Variants in DPYSL2 observed in about 807,000 individuals in gnomAD.
DPYSL2 encodes the protein dihydropyrimidinase-related protein 2.
Under a neutral mutation model 69.9 loss-of-function variants are expected in DPYSL2, and 13 were observed. The observed-to-expected ratio is 0.19, with a 90% CI of 0.12 to 0.30. The LOEUF (loss-of-function observed/expected upper bound fraction) is 0.30. Among genes scored for constraint, DPYSL2 ranks in the 10% least tolerant of loss-of-function variants. The pLI is 1.00. For missense variants in DPYSL2, 587 were observed against 918.9 expected (o/e 0.64, Z 4.67); for synonymous variants, 326 against 359.1 (o/e 0.91, Z 1.04).
In DPYSL2 at chr8:26,571,919, T is replaced by C. The variant is rs1416699104; in HGVS notation, c.355-10050T>C. Among the ~76,000 whole-genome samples, 1 of 152,256 alleles carries C rather than the reference T, an allele frequency of 6.6e-6. No individual in the cohort carries two copies. Among genetic ancestry groups the C allele is most frequent in the Non-Finnish European group, 1.5e-5 (1 of 68,042 alleles). On this transcript the variant is annotated intron_variant, in intron 1 of 13. Transcript: ENST00000521913. The surrounding 1 kb of genome is among the most constrained non-coding windows in gnomAD (Gnocchi z 6.1). ...ACGATCGTCATTGCCTGATTCCATC[T>C]GCAGTGAAGAAGGCATCACTTCCAG...
intron 1 of DPYSL2, chr8:26,577,003 G>T (rs1257199246): frequency 6.4e-6 from 2 of 310,194 alleles, no homozygotes; most frequent in Non-Finnish European, 1.3e-5. Context: ...CATCGGCCTC[G>T]GCGGGCTGCG....
chr8:26,594,294 C>A (rs1313961278), intron 3 of DPYSL2, among the ~76,000 whole-genome samples: 1 of 152,174 alleles, frequency 6.6e-6, no homozygotes, highest in Non-Finnish European at 1.5e-5. Context: ...ATCTCCCTCT[C>A]TCTCTCTCTC....
chr8:26,586,164 G>T lies in DPYSL2; in HGVS notation c.628+2181G>T, dbSNP rs553706430. ...TCAGTGTCATCTATCATTGGAGAGG[G>T]AAATGCCCCCAGCCAGGAGTTAGGA... is the stretch of plus-strand genomic sequence containing the variant. On this transcript the variant is annotated intron_variant, in intron 3 of 13. Transcript: ENST00000521913. The surrounding 1 kb of genome is among the most constrained non-coding windows in gnomAD (Gnocchi z 4.7). 9.9e-5 allele frequency among the ~76,000 whole-genome samples: 15 copies of T among 152,258 alleles called. No homozygotes were observed. Among genetic ancestry groups the T allele is most frequent in the Admixed American group, 9.8e-4 (15 of 15,290 alleles).
chr8:26,653,101 C>T lies in DPYSL2; in HGVS notation c.1777-131C>T. ...TGGTGGGAGCTGGCCCCACACAACA[C>T]CTGTCCACCTGTCTGTAAGGAGAGC... On this transcript the variant is annotated intron_variant, in intron 12 of 13. Transcript: ENST00000521913. The surrounding 1 kb of genome is among the most constrained non-coding windows in gnomAD (Gnocchi z 5.7). 1 of 1,135,444 alleles carries T rather than the reference C, an allele frequency of 8.8e-7. No homozygotes were observed. The allele number at this position is 1,135,444 out of a possible 1,614,324, so 70.3% of individuals were successfully genotyped here. A position where few individuals can be genotyped will look rare whatever the true frequency, so the allele number is the denominator to read the frequency against.
At chr8:26,548,819 A>G (rs1443214601) in intron 1 of DPYSL2, among the ~76,000 whole-genome samples, 12 of 151,856 alleles carry the variant, frequency 7.9e-5, no homozygotes, top group Admixed American at 6.6e-4. Context: ...TCAAGGCTGC[A>G]GTGAGCTGTG....
Position 26,647,796 on chromosome 8 carries a change from A to G in DPYSL2, c.1592A>G (p.Asn531Ser). ...AAAACCATCTCTGCCAAGACACACAACAGCGTAAGACCTGTTAACTGTGCA... is the reference window on the plus strand; with the variant it reads ...AAAACCATCTCTGCCAAGACACACAGCAGCGTAAGACCTGTTAACTGTGCA... ...SVKTISAKTH[N>S]SSLEYNIFEG... Residue 531 changes from asparagine to serine, a missense_variant, in exon 11 of 14, where the codon AAC becomes AGC. Coordinates refer to ENST00000521913, the MANE Select transcript of DPYSL2 (RefSeq NM_001197293.3). The surrounding 1 kb of genome is among the most constrained non-coding windows in gnomAD (Gnocchi z 5.1). 3 of 1,612,434 alleles carry G rather than the reference A, an allele frequency of 1.9e-6. No homozygotes were observed. The highest frequency in any genetic ancestry group is 1.3e-5 in the African/African-American group (1 of 75,018).
At chr8:26,601,864 T>C (rs1477800021) in intron 3 of DPYSL2, among the ~76,000 whole-genome samples, 2 of 152,234 alleles carry the variant, frequency 1.3e-5, no homozygotes, top group African/African-American at 2.4e-5. Flanking sequence ...GTGGGCTAGC[T>C]TGAAATAAGC....
intron 1 of DPYSL2, among the ~76,000 whole-genome samples, chr8:26,519,368 T>G (rs919420405): frequency 6.6e-6 from 1 of 152,226 alleles, no homozygotes; most frequent in Admixed American, 6.5e-5. Context: ...ACTTCATTCC[T>G]TGGAGCCCAG....
chr8:26,643,928 A>G lies in DPYSL2; in HGVS notation c.1284-22A>G, dbSNP rs1563424570. On this transcript the variant is annotated intron_variant, in intron 9 of 13. Coordinates refer to ENST00000521913, the MANE Select transcript of DPYSL2 (RefSeq NM_001197293.3). The surrounding 1 kb of genome is among the most constrained non-coding windows in gnomAD (Gnocchi z 6.5). ...AGCATCTTGACGAAGCTGCAGCACCACGTTATGCATTTTCTTTGCAGTGGA... is the reference window on the plus strand; with the variant it reads ...AGCATCTTGACGAAGCTGCAGCACCGCGTTATGCATTTTCTTTGCAGTGGA... 6.2e-7 allele frequency: 1 copy of G among 1,610,992 alleles called. No individual in the cohort carries two copies. Among genetic ancestry groups the G allele is most frequent in the Non-Finnish European group, 8.5e-7 (1 of 1,178,052 alleles).
intron 3 of DPYSL2, among the ~76,000 whole-genome samples, chr8:26,613,475 G>A (rs1035733980): frequency 6.6e-6 from 1 of 152,356 alleles, no homozygotes; most frequent in South Asian, 2.1e-4. Flanking sequence ...CCTTCCTGCA[G>A]TGGGTGCCCA....
intron 10 of DPYSL2, among the ~76,000 whole-genome samples, chr8:26,646,304 G>A (rs931150816): frequency 2.0e-5 from 3 of 151,912 alleles, no homozygotes. Context: ...TGGGTCAAAG[G>A]ATGCATATAT....
chr8:26,599,816 T>G (rs889916637), intron 3 of DPYSL2, among the ~76,000 whole-genome samples: 1 of 152,208 alleles, frequency 6.6e-6, no homozygotes, highest in African/African-American at 2.4e-5. Context: ...TCAGTGCTTT[T>G]TAGTATATTC....
intron 1 of DPYSL2, chr8:26,577,728 C>A (rs1585519404): frequency 4.6e-6 from 4 of 872,888 alleles, no homozygotes; most frequent in Admixed American, 6.2e-5. Flanking sequence ...AAGGCGCGCT[C>A]CCAGCGCGGG....
intron 1 of DPYSL2, among the ~76,000 whole-genome samples, chr8:26,561,482 C>T (rs1033517075): frequency 6.6e-6 from 1 of 152,132 alleles, no homozygotes; most frequent in Non-Finnish European, 1.5e-5. Flanking sequence ...AAAGGCATCT[C>T]AAATTACCAT....
chr8:26,578,019 T>TCTC lies in DPYSL2; in HGVS notation c.355-3950_355-3949insCTC, dbSNP rs1563393899. On this transcript the variant is annotated intron_variant, in intron 1 of 13. Coordinates refer to ENST00000521913, the MANE Select transcript of DPYSL2 (RefSeq NM_001197293.3). ...TCTCTCTCTCTCTCTCTCTCTCTCT[T>TCTC]TTTTTTCCGCCCTAGCTGGGGCTGT... The TCTC allele has an allele frequency of 1.6e-5, 21 of 1,351,450 alleles. No individual in the cohort carries two copies. The African/African-American group carries it at 3.2e-4, about 20-fold the overall frequency. The allele number at this position is 1,351,450 out of a possible 1,614,324, so 83.7% of individuals were successfully genotyped here. A position where few individuals can be genotyped will look rare whatever the true frequency, so the allele number is the denominator to read the frequency against.
At position 26,568,802 on chromosome 8, in the gene DPYSL2, G is replaced by A. The variant is rs555436132; in HGVS notation, c.355-13167G>A. Among the ~76,000 whole-genome samples the A allele has an allele frequency of 2.9e-3, 436 of 152,250 alleles. 8 individuals are homozygous for A. Among genetic ancestry groups the A allele is most frequent in the Non-Finnish European group, 1.9e-3 (129 of 68,008 alleles). ...TCGACACAGATTCTGAATCAAGGAG[G>A]GCCCAGTTGAGGGAGATCTGCGGTA... On this transcript the variant is annotated intron_variant, in intron 1 of 13. Transcript: ENST00000521913.
intron 1 of DPYSL2, among the ~76,000 whole-genome samples, chr8:26,525,705 C>G (rs1199334028): frequency 6.6e-6 from 1 of 152,070 alleles, no homozygotes; most frequent in Non-Finnish European, 1.5e-5. Context: ...AGTTTTTTAG[C>G]TCTCTATTCT....
intron 11 of DPYSL2, among the ~76,000 whole-genome samples, chr8:26,649,900 A>G (rs1803248160): frequency 6.6e-6 from 1 of 152,194 alleles, no homozygotes; most frequent in African/African-American, 2.4e-5. Context: ...GGACTTGTCA[A>G]TGTTAAGTCA....
chr8:26,593,969 G>A lies in DPYSL2; in HGVS notation c.628+9986G>A, dbSNP rs1052866604. Among the ~76,000 whole-genome samples, 2 of 152,174 alleles carry A rather than the reference G, an allele frequency of 1.3e-5. No homozygotes were observed. Among genetic ancestry groups the A allele is most frequent in the African/African-American group, 4.8e-5 (2 of 41,440 alleles). The stretch of plus-strand genomic sequence containing the variant: ...CATAGAATCATGGACTCTTAAGGCA[G>A]CCATTCACCTCCTTCCCAGCCCCGC... On this transcript the variant is annotated intron_variant, in intron 3 of 13. Transcript: ENST00000521913. This position sits in a 1 kb window ranked among gnomAD's most constrained non-coding sequence, Gnocchi z 5.7.
Sources: gnomAD v4.1 joint callset for allele counts (sites outside exome capture counted in the v4.1 genomes callset) on GRCh38, gnomAD v4.1.1 for gene constraint, Gnocchi (gnomAD v3.1) non-coding constraint, MANE v1.5 for transcripts, NCBI Gene and HGNC (gene_info 2026-07-23, HGNC 2026-07-21) for gene names.